TRPM8: variants seen among roughly 807,000 people sequenced by gnomAD.
TRPM8 encodes transient receptor potential cation channel subfamily M member 8.
TRPM8 carries 110 observed loss-of-function variants against 133.7 expected under a neutral mutation model. That is an observed-to-expected ratio of 0.82 (90% confidence interval 0.70 to 0.96). The LOEUF (loss-of-function observed/expected upper bound fraction) is 0.96, where lower values mean the gene tolerates loss of function less well. Among genes scored for constraint, TRPM8 ranks in the 40% least tolerant of loss-of-function variants. The pLI is 0.00. For synonymous variants in TRPM8, 535 were observed against 532.3 expected (o/e 1.01, Z -0.07); for missense variants, 1,291 against 1,379.5 (o/e 0.94, Z 1.02).
chr2:233,923,491 C>T (rs1368169971), intron 1 of TRPM8, among the ~76,000 whole-genome samples: 2 of 152,158 alleles, frequency 1.3e-5, no homozygotes, highest in African/African-American at 4.8e-5. Flanking sequence ...GGACACAGCC[C>T]CATGTCCCCT....
rs200448001 is a variant in TRPM8 at position 233,983,088 on chromosome 2, G to A, written c.2625G>A (p.Ala875=). 4.0e-5 allele frequency: 65 copies of A among 1,613,994 alleles called. No homozygotes were observed. The African/African-American group carries it at 4.3e-4, about 11-fold the overall frequency. Residue 875 remains alanine (A), a synonymous_variant, in exon 20 of 26, where the codon GCG becomes GCA. Coordinates refer to ENST00000324695, the MANE Select transcript of TRPM8 (RefSeq NM_024080.5). ...TGTTCTTCTTCCTGTTCCTCTTTGCGGTGTGGATGGTGGCCTTTGGCGTGG... is the reference window on the plus strand; with the variant it reads ...TGTTCTTCTTCCTGTTCCTCTTTGCAGTGTGGATGGTGGCCTTTGGCGTGG... ...IDVFFFLFLF[A]VWMVAFGVAR...
rs1314854072 is a variant in TRPM8, at chr2:233,989,221, T to C, written c.2939+3356T>C. 3.9e-5 allele frequency among the ~76,000 whole-genome samples: 6 copies of C among 152,188 alleles called. No individual in the cohort carries two copies. The highest frequency in any genetic ancestry group is 1.4e-4 in the African/African-American group (6 of 41,452). On this transcript the variant is annotated intron_variant, in intron 21 of 25. Transcript: ENST00000324695. This position sits in a 1 kb window ranked among gnomAD's most constrained non-coding sequence, Gnocchi z 4.2. Reference sequence around the variant, plus strand: ...CATTTTGATAATGAAATGATTGAATTTGGAGCTGAGAAAGATGGGAGCCTC... The same window carrying C: ...CATTTTGATAATGAAATGATTGAATCTGGAGCTGAGAAAGATGGGAGCCTC...
At chr2:234,010,749 A>G (rs1174976900) in intron 24 of TRPM8, among the ~76,000 whole-genome samples, 2 of 152,070 alleles carry the variant, frequency 1.3e-5, no homozygotes, top group South Asian at 2.1e-4. Context: ...GCACCTTTTC[A>G]TATACCTGTT....
At chr2:233,925,811 G>A (rs924720401) in intron 1 of TRPM8, among the ~76,000 whole-genome samples, 1 of 152,086 alleles carries the variant, frequency 6.6e-6, no homozygotes, top group African/African-American at 2.4e-5. Context: ...CTCGAGCTTC[G>A]GATGTGGGTC....
At chr2:234,017,220 T>A in intron 25 of TRPM8, 79 bp from the exon 26 acceptor site, 1 of 449,872 alleles carries the variant, frequency 2.2e-6, no homozygotes. Context: ...CCAGTATATT[T>A]TGAAGCAAAC....
In TRPM8 at chr2:234,017,713, T is replaced by G. The variant is rs933078403; in HGVS notation, c.*457T>G. 6.2e-6 allele frequency: 1 copy of G among 162,158 alleles called. No individual in the cohort carries two copies. The highest frequency in any genetic ancestry group is 1.3e-5 in the Non-Finnish European group (1 of 74,656). 10.0% of individuals were successfully genotyped at this position (162,158 alleles called of 1,614,324 possible). On this transcript the variant is annotated 3_prime_UTR_variant, in exon 26 of 26. Coordinates refer to ENST00000324695, the MANE Select transcript of TRPM8 (RefSeq NM_024080.5). Reference sequence around the variant, plus strand: ...TTTTCCCTTTTTTGTATTATGTGACTAATTAGTTGGCATATTGTTAAAAGT... The same window carrying G: ...TTTTCCCTTTTTTGTATTATGTGACGAATTAGTTGGCATATTGTTAAAAGT...
chr2:234,007,757 C>T (rs1047519296), intron 23 of TRPM8, among the ~76,000 whole-genome samples: 3 of 152,196 alleles, frequency 2.0e-5, no homozygotes, highest in African/African-American at 7.2e-5. Context: ...GTCATAAGCT[C>T]TCCTCCATCC....
chr2:233,971,780 A>C (rs993685208), intron 17 of TRPM8, among the ~76,000 whole-genome samples: 1 of 152,164 alleles, frequency 6.6e-6, no homozygotes, highest in African/African-American at 2.4e-5. Context: ...GTGGACCCAG[A>C]ATGAGCAGTA....
In TRPM8 at chr2:233,942,617, A is replaced by G; in HGVS notation, c.568A>G (p.Lys190Glu). Residue 190 changes from lysine to glutamate, a missense_variant, in exon 6 of 26, where the codon AAG becomes GAG. This residue lies in a region of TRPM8 where 963 missense variants were observed against 968.9 expected (regional missense o/e 0.99). Coordinates refer to ENST00000324695, the MANE Select transcript of TRPM8 (RefSeq NM_024080.5). ...GGGAGGCACCCATTATGGCCTGATG[A>G]AGTACATCGGGGAGGTGGTGAGAGA... is the stretch of plus-strand genomic sequence containing the variant. ...LTGGTHYGLM[K>E]YIGEVVRDNT... The G allele has an allele frequency of 6.2e-7, 1 of 1,614,152 alleles. No homozygotes were observed. The highest frequency in any genetic ancestry group is 8.5e-7 in the Non-Finnish European group (1 of 1,180,014).
chr2:233,956,179 C>T (rs192258870), intron 11 of TRPM8, among the ~76,000 whole-genome samples: 13 of 152,280 alleles, frequency 8.5e-5, no homozygotes, highest in East Asian at 7.7e-4. Context: ...ACCATCCCCC[C>T]AGCCTGGTCG....
At chr2:233,984,554 G>A (rs1692094488) in intron 20 of TRPM8, among the ~76,000 whole-genome samples, 8 of 152,082 alleles carry the variant, frequency 5.3e-5, no homozygotes, top group Admixed American at 5.2e-4. Context: ...TAGTTTTGTT[G>A]ATTTTTATCT....
chr2:233,956,639 T>C (rs1226649721), intron 11 of TRPM8, among the ~76,000 whole-genome samples: 3 of 152,222 alleles, frequency 2.0e-5, no homozygotes, highest in African/African-American at 7.2e-5. Flanking sequence ...CAGAAAACAC[T>C]TTCAGGCCTA....
At chr2:233,973,289 C>T (rs770232941) in intron 17 of TRPM8, among the ~76,000 whole-genome samples, 12 of 152,194 alleles carry the variant, frequency 7.9e-5, no homozygotes, top group Non-Finnish European at 1.6e-4. Context: ...AGTTCATTGC[C>T]TTATGGTTCT....
At chr2:234,013,562 A>G (rs1692890733) in intron 24 of TRPM8, 2 of 152,112 alleles carry the variant, frequency 1.3e-5, no homozygotes, top group African/African-American at 4.8e-5. Context: ...ATCTTTTCAA[A>G]AAACCAACTC....
chr2:233,985,715 C>T lies in TRPM8; in HGVS notation c.2789C>T (p.Thr930Ile), dbSNP rs1261249782. ...DGTTYDFAHC[T>I]FTGNESKPLC... ...ACCACGTATGACTTTGCCCACTGCA[C>T]CTTCACTGGGAATGAGTCCAAGCCA... The change falls in exon 21 of 26, where the codon ACC (threonine) becomes ATC (isoleucine). Residue 930 changes from threonine to isoleucine, a missense_variant. This residue lies in a region of TRPM8 where 328 missense variants were observed against 410.6 expected (regional missense o/e 0.80). Coordinates refer to ENST00000324695, the MANE Select transcript of TRPM8 (RefSeq NM_024080.5). 5 of 1,614,060 alleles carry T rather than the reference C, an allele frequency of 3.1e-6. No homozygotes were observed. The highest frequency in any genetic ancestry group is 4.2e-6 in the Non-Finnish European group (5 of 1,180,040).
At chr2:234,005,471 G>A (rs1692669905) in intron 22 of TRPM8, among the ~76,000 whole-genome samples, 1 of 152,162 alleles carries the variant, frequency 6.6e-6, no homozygotes, top group African/African-American at 2.4e-5. Context: ...AAGCACTCCT[G>A]TTGGACTCTC....
At chr2:233,941,744 G>C (rs1385297503) in intron 5 of TRPM8, among the ~76,000 whole-genome samples, 1 of 152,108 alleles carries the variant, frequency 6.6e-6, no homozygotes, top group Non-Finnish European at 1.5e-5. Flanking sequence ...GCCCCCCGCC[G>C]CAATAAAACC....
chr2:233,980,541 T>A (rs1691980947), intron 18 of TRPM8, among the ~76,000 whole-genome samples: 2 of 152,154 alleles, frequency 1.3e-5, no homozygotes, highest in African/African-American at 2.4e-5. Context: ...GAGAATTATT[T>A]TTTTTAAGTA....
intron 7 of TRPM8, 55 bp downstream of exon 7, chr2:233,946,085 G>A: frequency 1.3e-6 from 2 of 1,544,670 alleles, no homozygotes; most frequent in Admixed American, 3.4e-5. Context: ...AGCAGCCACA[G>A]CATCAACAAC....
Sources: allele counts gnomAD v4.1 joint callset (sites outside exome capture counted in the v4.1 genomes callset), GRCh38; gene constraint gnomAD v4.1.1; regional missense constraint gnomAD v4.1.1; non-coding constraint Gnocchi (gnomAD v3.1); transcripts MANE v1.5; gene names NCBI Gene and HGNC (gene_info 2026-07-23, HGNC 2026-07-21).